The following NBEA variants were observed in gnomAD, a reference collection of about 807,000 sequenced individuals.
The protein encoded by NBEA is neurobeachin, also known as lysosomal-trafficking regulator 2.
NBEA carries 44 observed loss-of-function variants against 343.4 expected under a neutral mutation model. The observed-to-expected ratio is 0.13, with a 90% CI of 0.10 to 0.16. NBEA has a LOEUF of 0.16. Ranked by LOEUF, NBEA falls within the 10% of genes least tolerant of loss-of-function variation. NBEA has a pLI of 1.00. For synonymous variants in NBEA, 1,175 were observed against 1,238.7 expected (o/e 0.95, Z 1.08); for missense variants, 2,555 against 3,631.3 (o/e 0.70, Z 7.62).
intron 39 of NBEA, among the ~76,000 whole-genome samples, chr13:35,444,697 G>A (rs1594660605): frequency 6.6e-6 from 1 of 151,932 alleles, no homozygotes; most frequent in Admixed American, 6.6e-5. Context: ...TTCCAAAGAT[G>A]AAAAGAAGCC....
At chr13:35,507,821 C>T (rs896521537) in intron 41 of NBEA, among the ~76,000 whole-genome samples, 4 of 152,068 alleles carry the variant, frequency 2.6e-5, no homozygotes, top group Non-Finnish European at 4.4e-5. Flanking sequence ...CCTGATTGAA[C>T]GTGTTGCAAT....
At chr13:35,592,492 C>A (rs148930278) in intron 46 of NBEA, among the ~76,000 whole-genome samples, 2 of 151,996 alleles carry the variant, frequency 1.3e-5, no homozygotes, top group Non-Finnish European at 2.9e-5. Flanking sequence ...ACTGGAGAGC[C>A]GTGGTAGCGC....
chr13:35,033,830 T>C (rs890674679), intron 1 of NBEA, among the ~76,000 whole-genome samples: 3 of 151,932 alleles, frequency 2.0e-5, no homozygotes, highest in African/African-American at 7.2e-5. Context: ...ATAGGAATGC[T>C]ACTGATTTTT....
chr13:35,351,613 GCTC>G (rs2040204977), intron 37 of NBEA, among the ~76,000 whole-genome samples: 1 of 151,838 alleles, frequency 6.6e-6, no homozygotes, highest in Non-Finnish European at 1.5e-5. Flanking sequence ...TCTTGTCTCA[GCTC>G]CTCATTTACA....
intron 35 of NBEA, among the ~76,000 whole-genome samples, chr13:35,305,751 G>A (rs368459898): frequency 4.6e-5 from 7 of 152,236 alleles, no homozygotes; most frequent in South Asian, 2.1e-4. Context: ...CCTGAGATTC[G>A]GGGACTAGCA....
At chr13:35,633,793 A>G (rs1566438099) in intron 49 of NBEA, among the ~76,000 whole-genome samples, 1 of 152,172 alleles carries the variant, frequency 6.6e-6, no homozygotes, top group Non-Finnish European at 1.5e-5. Flanking sequence ...CTTTTGTTTT[A>G]ATAATTTCAT....
chr13:35,349,030 T>C (rs2040034781), intron 36 of NBEA, 78 bp from the exon 37 acceptor site: 1 of 551,120 alleles, frequency 1.8e-6, no homozygotes, highest in African/African-American at 2.0e-5. Context: ...TTTGAAGTAC[T>C]GAAATCTGAT....
At chr13:35,212,993 G>A (rs186646443) in intron 33 of NBEA, among the ~76,000 whole-genome samples, 1 of 151,532 alleles carries the variant, frequency 6.6e-6, no homozygotes, top group Non-Finnish European at 1.5e-5. Context: ...GGTCTATTTT[G>A]ATCAACAGAA....
Position 35,338,783 on chromosome 13 carries a change from A to G in NBEA, c.5904-10325A>G, listed in dbSNP as rs188019666. Among the ~76,000 whole-genome samples, 754 of 152,226 alleles carry G rather than the reference A, an allele frequency of 5.0e-3. 8 individuals carry two copies. The highest frequency in any genetic ancestry group is 0.017 in the African/African-American group (705 of 41,578). On this transcript the variant is annotated intron_variant, in intron 36 of 58. Transcript: ENST00000379939. The stretch of plus-strand genomic sequence containing the variant: ...CAGATCTACGTCAGCAATATGTAAG[A>G]AAGGATTATATACCTTGATTAAATG...
chr13:35,654,877 A>T lies in NBEA; in HGVS notation c.8058A>T (p.Lys2686Asn), dbSNP rs2084738204. The T allele has an allele frequency of 6.4e-7, 1 of 1,574,076 alleles. No homozygotes were observed. The change falls in exon 54 of 59, where the codon AAA becomes AAT. Residue 2686 changes from lysine to asparagine, a missense_variant. Around this residue, in one of 21 missense-constraint regions of NBEA, gnomAD observed 39 missense variants for 37.9 expected, o/e 1.03. Coordinates refer to ENST00000379939, the MANE Select transcript of NBEA (RefSeq NM_001385012.1). Reference protein sequence around the residue: ...PLIANNSGVNKRQITDLVDQS... With the variant: ...PLIANNSGVNNRQITDLVDQS... Reference sequence around the variant, plus strand: ...TAGCCAATAATTCAGGTGTAAACAAACGGCAGATCACAGACCTCGTTGACC... The same window carrying T: ...TAGCCAATAATTCAGGTGTAAACAATCGGCAGATCACAGACCTCGTTGACC...
At chr13:35,298,728 G>A (rs2036331335) in intron 35 of NBEA, among the ~76,000 whole-genome samples, 1 of 151,926 alleles carries the variant, frequency 6.6e-6, no homozygotes, top group Non-Finnish European at 1.5e-5. Context: ...CTGGAAGCCT[G>A]CTTATGTTTA....
chr13:35,406,978 T>TA (rs1315114011), intron 38 of NBEA, among the ~76,000 whole-genome samples: 29 of 150,744 alleles, frequency 1.9e-4, no homozygotes, highest in Non-Finnish European at 3.4e-4. Flanking sequence ...TTTTTTTTTT[T>TA]AGACAGAGTC....
chr13:35,318,138 T>C (rs940592747), intron 36 of NBEA, among the ~76,000 whole-genome samples: 5 of 152,208 alleles, frequency 3.3e-5, no homozygotes, highest in African/African-American at 1.2e-4. Context: ...TGATACTATG[T>C]TGAAGAGGAG....
chr13:35,553,680 G>A (rs17052391), intron 43 of NBEA, among the ~76,000 whole-genome samples: 5,767 of 152,186 alleles, frequency 0.038, 394 homozygotes, highest in African/African-American at 0.13. Context: ...GATTCCATGT[G>A]AATACTCATG....
At position 35,394,277 on chromosome 13, in the gene NBEA, G is replaced by T. The variant is rs529188414; in HGVS notation, c.6180-37992G>T. Among the ~76,000 whole-genome samples, 11 of 152,214 alleles carry T rather than the reference G, an allele frequency of 7.2e-5. No individual in the cohort carries two copies. In the South Asian group the frequency reaches 2.3e-3, roughly 32 times the overall value. ...TGTATTTCTTTACCTAGAAGGAAAG[G>T]ATTGTCTTTTCAAAACACAAGGGAA... is the stretch of plus-strand genomic sequence containing the variant. On this transcript the variant is annotated intron_variant, in intron 38 of 58. Coordinates refer to ENST00000379939, the MANE Select transcript of NBEA (RefSeq NM_001385012.1).
chr13:35,484,274 GTATATATATA>G (rs202233951), intron 41 of NBEA, among the ~76,000 whole-genome samples: 1,536 of 115,156 alleles, frequency 0.013, 36 homozygotes, highest in African/African-American at 0.044. Context: ...GTGTGTGTGT[GTATATATATA>G]TATATATATG....
chr13:35,516,392 T>G (rs2077489245), intron 41 of NBEA, among the ~76,000 whole-genome samples: 1 of 152,184 alleles, frequency 6.6e-6, no homozygotes, highest in South Asian at 2.1e-4. Flanking sequence ...CATCTAGTAA[T>G]GCTATATTTT....
At chr13:35,480,633 G>T (rs559013869) in intron 41 of NBEA, among the ~76,000 whole-genome samples, 2 of 151,870 alleles carry the variant, frequency 1.3e-5, no homozygotes, top group Non-Finnish European at 2.9e-5. Flanking sequence ...TGCTGGAGTG[G>T]CTTTGAAGGC....
At chr13:35,583,840 A>G in intron 45 of NBEA, 58 bp from the exon 46 acceptor site, 1 of 1,257,864 alleles carries the variant, frequency 7.9e-7, no homozygotes, top group Non-Finnish European at 1.1e-6. Context: ...ATAAAGATTT[A>G]TTATCTAGGA....
Sources: gnomAD v4.1 joint callset for allele counts (sites outside exome capture counted in the v4.1 genomes callset) on GRCh38, gnomAD v4.1.1 for gene constraint, gnomAD v4.1.1 regional missense constraint, MANE v1.5 for transcripts, NCBI Gene and HGNC (gene_info 2026-07-23, HGNC 2026-07-21) for gene names.